The following AUTS2 variants were observed in gnomAD, a reference collection of about 807,000 sequenced individuals.
The protein encoded by AUTS2 is autism susceptibility gene 2 protein.
In AUTS2, 17 loss-of-function variants were observed where a neutral mutation model predicts 112.4. The observed-to-expected ratio is 0.15, with a 90% CI of 0.10 to 0.23. The LOEUF is 0.23. Among genes scored for constraint, AUTS2 ranks in the 10% least tolerant of loss-of-function variants. The pLI is 1.00. For missense variants in AUTS2, 1,510 were observed against 1,701.6 expected (o/e 0.89, Z 1.98); for synonymous variants, 751 against 702.7 (o/e 1.07, Z -1.09).
At chr7:69,968,816 A>T (rs79360050) in intron 2 of AUTS2, among the ~76,000 whole-genome samples, 1 of 152,130 alleles carries the variant, frequency 6.6e-6, no homozygotes, top group African/African-American at 2.4e-5. Context: ...TTAAAAAAAA[A>T]GTTAGAACAT....
chr7:70,784,742 T>TAAAA (rs71077682), intron 15 of AUTS2, 200 bp from the exon 16 acceptor site: 8 of 281,022 alleles, frequency 2.8e-5, no homozygotes, highest in South Asian at 8.0e-5. Context: ...TTCTGCTTCC[T>TAAAA]AAAAAAAAAA....
At chr7:69,807,011 G>C (rs1262734398) in intron 1 of AUTS2, among the ~76,000 whole-genome samples, 1 of 152,154 alleles carries the variant, frequency 6.6e-6, no homozygotes, top group Admixed American at 6.5e-5. Flanking sequence ...CGTGTAGCAA[G>C]TGTGGCCAGC....
At chr7:70,708,386 T>C (rs1462748504) in intron 6 of AUTS2, among the ~76,000 whole-genome samples, 2 of 152,210 alleles carry the variant, frequency 1.3e-5, no homozygotes, top group Non-Finnish European at 2.9e-5. Context: ...GGTGATTCCA[T>C]TGATTCGTTC....
intron 2 of AUTS2, among the ~76,000 whole-genome samples, chr7:70,008,475 C>T (rs1799646260): frequency 6.6e-6 from 1 of 152,094 alleles, no homozygotes; most frequent in Admixed American, 6.6e-5. Context: ...TGTCTACCAG[C>T]GTCTCTTCAA....
At chr7:69,643,713 G>C (rs374082641) in intron 1 of AUTS2, among the ~76,000 whole-genome samples, 2 of 151,860 alleles carry the variant, frequency 1.3e-5, no homozygotes, top group African/African-American at 4.8e-5. Flanking sequence ...TATAACTGTT[G>C]TTCCAATTGC....
intron 1 of AUTS2, among the ~76,000 whole-genome samples, chr7:69,739,711 A>G (rs1473747732): frequency 6.6e-6 from 1 of 152,226 alleles, no homozygotes; most frequent in Admixed American, 6.5e-5. Context: ...ACAGTTGAAA[A>G]TAAGTATTTG....
rs1027536416 is a variant in AUTS2 at position 69,792,385 on chromosome 7, G to T, written c.310-106901G>T. Among the ~76,000 whole-genome samples, 3 of 151,900 alleles carry T rather than the reference G, an allele frequency of 2.0e-5. No individual in the cohort carries two copies. In the South Asian group the frequency reaches 6.3e-4, roughly 32 times the overall value. On this transcript the variant is annotated intron_variant, in intron 1 of 18. Coordinates refer to ENST00000342771, the MANE Select transcript of AUTS2 (RefSeq NM_015570.4). ...CTCCCGAGTAGCTGGGACTACAGGC[G>T]CCCACCATCACGCCCAACTAATTTT...
chr7:70,458,586 T>C (rs1585169518), intron 5 of AUTS2, among the ~76,000 whole-genome samples: 1 of 152,222 alleles, frequency 6.6e-6, no homozygotes, highest in Non-Finnish European at 1.5e-5. Flanking sequence ...CTCTCTTTTT[T>C]TGATCCTTAA....
chr7:70,663,779 G>T (rs4717541), intron 5 of AUTS2, among the ~76,000 whole-genome samples: 7 of 152,024 alleles, frequency 4.6e-5, no homozygotes, highest in African/African-American at 1.7e-4. Flanking sequence ...TGTGAAATGC[G>T]TATACTGTAG....
intron 5 of AUTS2, among the ~76,000 whole-genome samples, chr7:70,519,950 AGTT>A (rs1028621104): frequency 2.0e-5 from 3 of 152,250 alleles, no homozygotes; most frequent in African/African-American, 7.2e-5. Context: ...TGTATCATAA[AGTT>A]GACCCATTTT....
intron 1 of AUTS2, among the ~76,000 whole-genome samples, chr7:69,807,272 G>A (rs549570619): frequency 3.3e-4 from 50 of 152,276 alleles, no homozygotes; most frequent in Non-Finnish European, 6.2e-4. Flanking sequence ...CCAAGATCCA[G>A]ATTTGTTGAG....
rs143846297 is a variant in AUTS2, at chr7:70,577,498, C to T, written c.691-121071C>T. ...TTATCCTTTTGGTCCTTTAAGGTAA[C>T]TTAAATCCTTCGGTGTAGGGAATAT... On this transcript the variant is annotated intron_variant, in intron 5 of 18. Coordinates refer to ENST00000342771, the MANE Select transcript of AUTS2 (RefSeq NM_015570.4). Among the ~76,000 whole-genome samples, 302 of 152,312 alleles carry T rather than the reference C, an allele frequency of 2.0e-3. 1 individual carries two copies. The highest frequency in any genetic ancestry group is 6.8e-3 in the African/African-American group (284 of 41,576).
At chr7:69,723,877 T>G (rs1370593267) in intron 1 of AUTS2, among the ~76,000 whole-genome samples, 1 of 152,150 alleles carries the variant, frequency 6.6e-6, no homozygotes, top group Non-Finnish European at 1.5e-5. Flanking sequence ...TTAGTCTGCC[T>G]CCTCAGGCTG....
intron 1 of AUTS2, among the ~76,000 whole-genome samples, chr7:69,693,622 T>A (rs976284209): frequency 6.6e-6 from 1 of 152,160 alleles, no homozygotes; most frequent in Non-Finnish European, 1.5e-5. Flanking sequence ...TTCATAGAAC[T>A]GGTAGTATTG....
At chr7:70,407,490 C>T (rs1383547443) in intron 4 of AUTS2, among the ~76,000 whole-genome samples, 7 of 152,082 alleles carry the variant, frequency 4.6e-5, no homozygotes, top group Admixed American at 3.9e-4. Flanking sequence ...AGCATCACAC[C>T]CAAGTAAAAG....
intron 1 of AUTS2, among the ~76,000 whole-genome samples, chr7:69,826,734 T>C (rs1791264219): frequency 6.6e-6 from 1 of 152,228 alleles, no homozygotes; most frequent in Admixed American, 6.5e-5. Flanking sequence ...TGGTATTTTA[T>C]TCCTAGGCAA....
rs563332987 is a variant in AUTS2 at position 70,177,023 on chromosome 7, TATC to T, written c.660+42458_660+42460del. Among the ~76,000 whole-genome samples the T allele has an allele frequency of 1.4e-4, 22 of 152,336 alleles. No homozygotes were observed. The South Asian group carries it at 4.6e-3, about 32-fold the overall frequency. ...ATCATGTTGCCTAATCAATGCAAAATATCATCATTTCCTAGACAACTTCACAGG... is the reference window on the plus strand; with the variant it reads ...ATCATGTTGCCTAATCAATGCAAAATATCATTTCCTAGACAACTTCACAGG... On this transcript the variant is annotated intron_variant, in intron 4 of 18. Coordinates refer to ENST00000342771, the MANE Select transcript of AUTS2 (RefSeq NM_015570.4).
At chr7:69,998,553 G>A (rs1799048494) in intron 2 of AUTS2, among the ~76,000 whole-genome samples, 1 of 152,154 alleles carries the variant, frequency 6.6e-6, no homozygotes, top group Non-Finnish European at 1.5e-5. Flanking sequence ...TAATAGTTTA[G>A]AGAACCATGA....
chr7:69,992,568 G>C (rs1798782046), intron 2 of AUTS2, among the ~76,000 whole-genome samples: 1 of 152,162 alleles, frequency 6.6e-6, no homozygotes. Flanking sequence ...TGTTTGAAAA[G>C]AAGCATGGGC....
Sources: gnomAD v4.1 joint callset for allele counts (sites outside exome capture counted in the v4.1 genomes callset) on GRCh38, gnomAD v4.1.1 for gene constraint, MANE v1.5 for transcripts, NCBI Gene and HGNC (gene_info 2026-07-23, HGNC 2026-07-21) for gene names.